The following WIZ variants were observed in gnomAD, a reference collection of about 807,000 sequenced individuals.
WIZ encodes protein Wiz.
Under a neutral mutation model 140.2 loss-of-function variants are expected in WIZ, and 25 were observed. That is an observed-to-expected ratio of 0.18 (90% CI 0.13 to 0.25). The LOEUF (loss-of-function observed/expected upper bound fraction) is 0.25. Among genes scored for constraint, WIZ ranks in the 10% least tolerant of loss-of-function variants. The probability of loss-of-function intolerance (pLI) is 1.00; values close to 1 mark genes in which losing one functional copy is unlikely to be tolerated. For missense variants in WIZ, 2,231 were observed against 2,632.6 expected (o/e 0.85, Z 3.34); for synonymous variants, 1,125 against 1,154.3 (o/e 0.97, Z 0.51).
Position 15,444,280 on chromosome 19 carries a change from A to T in WIZ, c.206-1532T>A, listed in dbSNP as rs143639029. Among the ~76,000 whole-genome samples, 56 of 152,218 alleles carry T rather than the reference A, an allele frequency of 3.7e-4. No individual in the cohort carries two copies. In the East Asian group the frequency reaches 7.7e-3, roughly 21 times the overall value. On this transcript the variant is annotated intron_variant, in intron 2 of 12. Transcript: ENST00000673675. ...GGTGGGGAGAGGGTGTTGACCAGAA[A>T]GGTGTGGTCACTGGCTGAGGGTCCT...
intron 2 of WIZ, among the ~76,000 whole-genome samples, chr19:15,444,385 C>T (rs898390454): frequency 1.3e-5 from 2 of 152,140 alleles, no homozygotes; most frequent in African/African-American, 4.8e-5. Flanking sequence ...TTTGCATCAT[C>T]TACAGCGCAA....
chr19:15,430,723 G>A (rs1454479040), intron 6 of WIZ, among the ~76,000 whole-genome samples: 2 of 140,142 alleles, frequency 1.4e-5, no homozygotes, highest in African/African-American at 2.7e-5. Flanking sequence ...GCTAGCAAAG[G>A]CCAGATTCAG....
chr19:15,448,083 C>T lies in WIZ; in HGVS notation c.205+20G>A. 6.2e-7 allele frequency: 1 copy of T among 1,611,470 alleles called. No individual in the cohort carries two copies. Among genetic ancestry groups the T allele is most frequent in the Non-Finnish European group, 8.5e-7 (1 of 1,179,020 alleles). Reference sequence around the variant, plus strand: ...AATGGGCTGGATGCTCCCTGGGGGCCACACGGCCCATTCTCTTACCAGAGA... The same window carrying T: ...AATGGGCTGGATGCTCCCTGGGGGCTACACGGCCCATTCTCTTACCAGAGA... On this transcript the variant is annotated intron_variant, in intron 2 of 12. Transcript: ENST00000673675.
rs1968865115 is a variant in WIZ, at chr19:15,426,983, C to T, written c.4365G>A (p.Leu1455=). The change falls in exon 9 of 13, where the codon CTG becomes CTA. Residue 1455 remains leucine (L), a splice_region_variant and synonymous_variant. Coordinates refer to ENST00000673675, the MANE Select transcript of WIZ (RefSeq NM_001371589.1). ...GCCCTACTGCAGGGTCACACTTACA[C>T]AGGTTCAGGGGTGTCATGTCTTCCC... ...APREDMTPLN[L]SSRAEPVRDI... is the part of the protein sequence containing the mutation. The T allele has an allele frequency of 6.2e-7, 1 of 1,609,014 alleles. No individual in the cohort carries two copies. The highest frequency in any genetic ancestry group is 1.7e-5 in the Admixed American group (1 of 59,698).
chr19:15,431,508 G>A (rs1189900039), intron 5 of WIZ, among the ~76,000 whole-genome samples: 1 of 152,226 alleles, frequency 6.6e-6, no homozygotes, highest in Non-Finnish European at 1.5e-5. Flanking sequence ...GAGGGGGAAC[G>A]TCTGCCTGTC....
At chr19:15,435,460 T>A (rs545782820) in intron 5 of WIZ, among the ~76,000 whole-genome samples, 1 of 152,076 alleles carries the variant, frequency 6.6e-6, no homozygotes, top group African/African-American at 2.4e-5. Context: ...AAATTAAAAT[T>A]AAAAAACCTT....
intron 7 of WIZ, among the ~76,000 whole-genome samples, chr19:15,429,383 G>C (rs1369225016): frequency 6.6e-6 from 1 of 152,192 alleles, no homozygotes; most frequent in Admixed American, 6.5e-5. Context: ...AAGTAAAGTG[G>C]GAGGCACGAT....
Position 15,440,523 on chromosome 19 carries a change from C to T in WIZ, c.471G>A (p.Glu157=). The part of the protein sequence containing the change: ...VIVRTMKPHA[E]LEGSRRFLHH... ...GTAAGAACCTTCTAGAGCCCTCTAG[C>T]TCAGCGTGGGGTTTCATGGTTCTCA... Residue 157 remains glutamate, a synonymous_variant, in exon 4 of 13, where the codon GAG becomes GAA. Coordinates refer to ENST00000673675, the MANE Select transcript of WIZ (RefSeq NM_001371589.1). The surrounding 1 kb of genome is among the most constrained non-coding windows in gnomAD (Gnocchi z 6.2). 1.3e-6 allele frequency: 2 copies of T among 1,536,154 alleles called. No individual in the cohort carries two copies. Among genetic ancestry groups the T allele is most frequent in the Non-Finnish European group, 1.7e-6 (2 of 1,146,894 alleles).
In WIZ at chr19:15,439,643, C is replaced by T. The variant is rs556521095; in HGVS notation, c.1351G>A (p.Ala451Thr). 1.4e-4 allele frequency: 206 copies of T among 1,494,542 alleles called. 1 individual carries two copies. The East Asian group carries it at 3.8e-3, about 27-fold the overall frequency. 92.6% of individuals were successfully genotyped at this position (1,494,542 alleles called of 1,614,324 possible). The change falls in exon 4 of 13, where the codon GCC becomes ACC. Residue 451 changes from alanine (A) to threonine (T), a missense_variant. This residue lies in a region of WIZ where 475 missense variants were observed against 520.2 expected (regional missense o/e 0.91). Transcript: ENST00000673675. The surrounding 1 kb of genome is among the most constrained non-coding windows in gnomAD (Gnocchi z 7.0). ...GCTCCGTAGGGCTGATAGAGGAGGG[C>T]GCTGGCCTCAGGGCTGGGGCTGCCA... ...GAGSPSPEASALLYQPYGAAV... is the reference protein window; with the variant it reads ...GAGSPSPEASTLLYQPYGAAV...
intron 2 of WIZ, among the ~76,000 whole-genome samples, 193 bp downstream of exon 2, chr19:15,447,910 G>A (rs551785778): frequency 1.7e-4 from 26 of 152,272 alleles, no homozygotes; most frequent in Admixed American, 7.8e-4. Flanking sequence ...CCTTGGTCTG[G>A]TCACTGGCTC....
In WIZ at chr19:15,440,141, G is replaced by A. The variant is rs781549202; in HGVS notation, c.853C>T (p.Arg285Trp). 6.5e-6 allele frequency: 10 copies of A among 1,532,760 alleles called. No individual in the cohort carries two copies. The Admixed American group carries it at 7.9e-5, about 12-fold the overall frequency. 94.9% of individuals were successfully genotyped at this position (1,532,760 alleles called of 1,614,324 possible). A position where few individuals can be genotyped will look rare whatever the true frequency, so the allele number is the denominator to read the frequency against. Residue 285 changes from arginine (R) to tryptophan (W), a missense_variant, in exon 4 of 13, where the codon CGG (arginine) becomes TGG (tryptophan). Physicochemically the swap from Arg to Trp is moderately radical, Grantham distance 101 (BLOSUM62 -3). This residue lies in a region of WIZ where 307 missense variants were observed against 294.1 expected (regional missense o/e 1.04). Coordinates refer to ENST00000673675, the MANE Select transcript of WIZ (RefSeq NM_001371589.1). The surrounding 1 kb of genome is among the most constrained non-coding windows in gnomAD (Gnocchi z 6.2). ...ERLQPLLPPI[R>W]TGPYLCELLE... is the part of the protein sequence containing the mutation. ...AGCTCACACAGGTAGGGCCCGGTCCGGATCGGGGGCAGTAGCGGCTGCAGC... is the reference window on the plus strand; with the variant it reads ...AGCTCACACAGGTAGGGCCCGGTCCAGATCGGGGGCAGTAGCGGCTGCAGC...
intron 5 of WIZ, 32 bp from the exon 6 acceptor site, chr19:15,431,214 CAAATTTCAGGCTGTCTATACCCAG>C: frequency 6.7e-7 from 1 of 1,483,696 alleles, no homozygotes; most frequent in Non-Finnish European, 8.9e-7. Context: ...TCAGCCCAGA[CAAATTTCAGGCTGTCTATACCCAG>C]AACTAAGAAG....
intron 2 of WIZ, among the ~76,000 whole-genome samples, chr19:15,445,150 C>A (rs530548398): frequency 1.5e-4 from 23 of 152,334 alleles, no homozygotes; most frequent in African/African-American, 5.3e-4. Flanking sequence ...GCCAAGGGGC[C>A]CTTGTTGGCT....
chr19:15,449,283 G>A (rs1193436315), intron 1 of WIZ, among the ~76,000 whole-genome samples: 1 of 152,004 alleles, frequency 6.6e-6, no homozygotes, highest in Non-Finnish European at 1.5e-5. Flanking sequence ...CTGGTTGCAG[G>A]CGCTGCCCTC....
rs1396047928 is a variant in WIZ at position 15,442,351 on chromosome 19, G to C, written c.278+325C>G. Among the ~76,000 whole-genome samples, 5 of 152,194 alleles carry C rather than the reference G, an allele frequency of 3.3e-5. No individual in the cohort carries two copies. Among genetic ancestry groups the C allele is most frequent in the Non-Finnish European group, 7.3e-5 (5 of 68,030 alleles). ...CTTATGGACTCCATTTTGCAGATGA[G>C]AAAACTGAGGCCCAGAGAGGCCTAG... On this transcript the variant is annotated intron_variant, in intron 3 of 12. Coordinates refer to ENST00000673675, the MANE Select transcript of WIZ (RefSeq NM_001371589.1). The surrounding 1 kb of genome is among the most constrained non-coding windows in gnomAD (Gnocchi z 5.5).
chr19:15,432,377 C>A, intron 5 of WIZ: 4 of 952,968 alleles, frequency 4.2e-6, no homozygotes, highest in African/African-American at 1.8e-5. Flanking sequence ...GCGGCGGCAC[C>A]GGCAGGCGGG....
Position 15,421,918 on chromosome 19 carries a change from C to G in WIZ, c.*1158G>C, listed in dbSNP as rs1302921411. 6.6e-6 allele frequency: 1 copy of G among 152,246 alleles called. No homozygotes were observed. Among genetic ancestry groups the G allele is most frequent in the Non-Finnish European group, 1.5e-5 (1 of 68,054 alleles). 9.4% of individuals were successfully genotyped at this position (152,246 alleles called of 1,614,324 possible). ...TCCCAGCCATGGCCTAAAGAGCCAACAGCTGGGAACTTGGGCTCATCCCCA... is the reference window on the plus strand; with the variant it reads ...TCCCAGCCATGGCCTAAAGAGCCAAGAGCTGGGAACTTGGGCTCATCCCCA... On this transcript the variant is annotated 3_prime_UTR_variant, in exon 13 of 13. Coordinates refer to ENST00000673675, the MANE Select transcript of WIZ (RefSeq NM_001371589.1).
Position 15,427,075 on chromosome 19 carries a change from G to A in WIZ, c.4273C>T (p.Arg1425Trp), listed in dbSNP as rs867150332. The change falls in exon 9 of 13, where the codon CGG becomes TGG. Residue 1425 changes from arginine (R) to tryptophan (W), a missense_variant. Coordinates refer to ENST00000673675, the MANE Select transcript of WIZ (RefSeq NM_001371589.1). This position sits in a 1 kb window ranked among gnomAD's most constrained non-coding sequence, Gnocchi z 6.4. ...KPEQIRVEIK[R>W]EMLPGALHGE... Reference sequence around the variant, plus strand: ...TGAAGGGCCCCCGGCAGCATCTCCCGCTTGATCTCCACCCGTATTTGTTCA... The same window carrying A: ...TGAAGGGCCCCCGGCAGCATCTCCCACTTGATCTCCACCCGTATTTGTTCA... 6.8e-6 allele frequency: 11 copies of A among 1,614,040 alleles called. No homozygotes were observed. Among genetic ancestry groups the A allele is most frequent in the African/African-American group, 5.3e-5 (4 of 74,924 alleles).
Position 15,438,723 on chromosome 19 carries a change from G to A in WIZ, c.2271C>T (p.Arg757=), listed in dbSNP as rs1415287371. The change falls in exon 4 of 13, where the codon CGC becomes CGT. Residue 757 remains arginine, a synonymous_variant. Transcript: ENST00000673675. ...TGGCCAAGCCGATGCCGTTGTGGAA[G>A]CGATCGGGGCAGTAGGGGCATTTCC... The part of the protein sequence containing the change: ...EERKCPYCPD[R]FHNGIGLANH... 3 of 1,536,066 alleles carry A rather than the reference G, an allele frequency of 2.0e-6. No individual in the cohort carries two copies. Among genetic ancestry groups the A allele is most frequent in the Non-Finnish European group, 2.6e-6 (3 of 1,146,908 alleles).
Sources: gnomAD v4.1 joint callset for allele counts (sites outside exome capture counted in the v4.1 genomes callset) on GRCh38, gnomAD v4.1.1 for gene constraint, gnomAD v4.1.1 regional missense constraint, Gnocchi (gnomAD v3.1) non-coding constraint, MANE v1.5 for transcripts, NCBI Gene and HGNC (gene_info 2026-07-23, HGNC 2026-07-21) for gene names.